The following ADCY2 variants were observed in gnomAD, a reference collection of about 807,000 sequenced individuals.
ADCY2 encodes the protein adenylate cyclase type 2.
A neutral mutation model predicts 125.2 loss-of-function variants in ADCY2; 31 were observed. The ratio of observed to expected loss-of-function variants is 0.25; its 90% CI spans 0.19 to 0.33. The LOEUF (loss-of-function observed/expected upper bound fraction) is 0.33, where lower values mean the gene tolerates loss of function less well. ADCY2 is among the 10% of genes least tolerant of loss of function. The pLI is 1.00. For synonymous variants in ADCY2, 512 were observed against 548.4 expected (o/e 0.93, Z 0.93); for missense variants, 904 against 1,418.2 (o/e 0.64, Z 5.82).
chr5:7,537,857 C>T (rs1734866120), intron 3 of ADCY2, among the ~76,000 whole-genome samples: 2 of 152,184 alleles, frequency 1.3e-5, no homozygotes, highest in African/African-American at 4.8e-5. Flanking sequence ...CTCACAGGGC[C>T]CTGATTGTGC....
chr5:7,698,683 C>A (rs1479214564), intron 7 of ADCY2, among the ~76,000 whole-genome samples: 1 of 152,128 alleles, frequency 6.6e-6, no homozygotes, highest in Admixed American at 6.5e-5. Context: ...TGATGGTTTC[C>A]AGTTTCATCC....
intron 1 of ADCY2, among the ~76,000 whole-genome samples, chr5:7,408,466 CA>C (rs1739587064): frequency 6.6e-6 from 1 of 151,952 alleles, no homozygotes; most frequent in African/African-American, 2.4e-5. Flanking sequence ...CTCCCGAGTT[CA>C]AGCGATTCTG....
chr5:7,819,235 G>C (rs780121339), intron 23 of ADCY2, among the ~76,000 whole-genome samples: 3 of 152,054 alleles, frequency 2.0e-5, no homozygotes, highest in Non-Finnish European at 2.9e-5. Flanking sequence ...ATCTCCTTTG[G>C]CAACACCCTC....
chr5:7,761,160 T>TTTC (rs1743194105), intron 16 of ADCY2, among the ~76,000 whole-genome samples: 1 of 135,250 alleles, frequency 7.4e-6, no homozygotes, highest in Admixed American at 7.4e-5. Flanking sequence ...TTTTTTTTTT[T>TTTC]TTTTTTTGAG....
intron 3 of ADCY2, among the ~76,000 whole-genome samples, chr5:7,562,956 A>T (rs4331864): frequency 0.3 from 45,515 of 151,944 alleles, 8,010 homozygotes; most frequent in Non-Finnish European, 0.4. Flanking sequence ...TCCTTTATTT[A>T]ATTTTTTTAA....
chr5:7,492,658 A>G (rs550668141), intron 2 of ADCY2, among the ~76,000 whole-genome samples: 5 of 151,792 alleles, frequency 3.3e-5, no homozygotes, highest in African/African-American at 1.2e-4. Flanking sequence ...GGTGCCTTTA[A>G]CAGAGATTTG....
chr5:7,721,182 G>A (rs1483991328), intron 12 of ADCY2, among the ~76,000 whole-genome samples: 22 of 152,168 alleles, frequency 1.4e-4, no homozygotes, highest in Non-Finnish European at 5.9e-5. Flanking sequence ...TCTGTTGGCT[G>A]CATAAATGTC....
At chr5:7,773,149 G>A in intron 18 of ADCY2, 48 bp downstream of exon 18, 3 of 1,580,774 alleles carry the variant, frequency 1.9e-6, no homozygotes, top group Non-Finnish European at 2.6e-6. Context: ...TTCCCAGCCT[G>A]TGGATAGCAT....
At chr5:7,669,392 T>C (rs555114761) in intron 4 of ADCY2, among the ~76,000 whole-genome samples, 12 of 152,224 alleles carry the variant, frequency 7.9e-5, no homozygotes, top group Middle Eastern at 3.4e-3. Context: ...AGACCATTCA[T>C]TGGGAGAACT....
intron 3 of ADCY2, among the ~76,000 whole-genome samples, chr5:7,594,575 A>G (rs938788842): frequency 3.3e-5 from 5 of 152,128 alleles, no homozygotes; most frequent in African/African-American, 4.8e-5. Flanking sequence ...TTCCTTGCAC[A>G]TTGCAGTCTT....
intron 3 of ADCY2, among the ~76,000 whole-genome samples, chr5:7,538,218 T>G (rs1216210021): frequency 6.6e-6 from 1 of 152,204 alleles, no homozygotes; most frequent in African/African-American, 2.4e-5. Flanking sequence ...TTTTCAAAGA[T>G]AGCATGATCC....
chr5:7,802,079 C>T lies in ADCY2; in HGVS notation c.2629-139C>T, dbSNP rs56184542. The T allele has an allele frequency of 0.017, 15,554 of 923,720 alleles. 190 individuals carry two copies. The highest frequency in any genetic ancestry group is 0.028 in the Middle Eastern group (80 of 2,870). The allele number at this position is 923,720 out of a possible 1,614,324, so 57.2% of individuals were successfully genotyped here. A position where few individuals can be genotyped will look rare whatever the true frequency, so the allele number is the denominator to read the frequency against. ...CAGCGGCAGCATCTGGATTGGGCCG[C>T]GGCTGGGGTGGGGCAAGTGGAGTAG... On this transcript the variant is annotated intron_variant, in intron 20 of 24. Coordinates refer to ENST00000338316, the MANE Select transcript of ADCY2 (RefSeq NM_020546.3). This position sits in a 1 kb window ranked among gnomAD's most constrained non-coding sequence, Gnocchi z 4.6.
intron 3 of ADCY2, among the ~76,000 whole-genome samples, chr5:7,595,297 T>C (rs1736972778): frequency 6.6e-6 from 1 of 152,246 alleles, no homozygotes; most frequent in Admixed American, 6.5e-5. Flanking sequence ...TGGCCATTGC[T>C]AATTTTGGAG....
At chr5:7,697,458 C>T (rs752518683) in intron 6 of ADCY2, among the ~76,000 whole-genome samples, 1 of 152,168 alleles carries the variant, frequency 6.6e-6, no homozygotes, top group Non-Finnish European at 1.5e-5. Context: ...ATGTAAAGCA[C>T]ATAACCTTAC....
intron 3 of ADCY2, among the ~76,000 whole-genome samples, chr5:7,554,530 C>A (rs1735442014): frequency 6.6e-6 from 1 of 152,068 alleles, no homozygotes; most frequent in Non-Finnish European, 1.5e-5. Flanking sequence ...TATTGTGGTT[C>A]TTTTAAAAAA....
chr5:7,617,119 A>G (rs1946468), intron 3 of ADCY2, among the ~76,000 whole-genome samples: 95,449 of 151,960 alleles, frequency 0.63, 30,580 homozygotes, highest in Non-Finnish European at 0.67. Context: ...TTTTTTTCCC[A>G]TTGATCTTTT....
At chr5:7,806,749 C>A (rs1744773190) in intron 22 of ADCY2, among the ~76,000 whole-genome samples, 1 of 152,198 alleles carries the variant, frequency 6.6e-6, no homozygotes. Context: ...TCAGTACAGT[C>A]ACCTGGGAGG....
At chr5:7,795,521 T>G (rs1010571456) in intron 20 of ADCY2, 4 of 152,228 alleles carry the variant, frequency 2.6e-5, no homozygotes, top group Non-Finnish European at 5.9e-5. Context: ...GCTCAGTGCC[T>G]CTGAATGCAG....
At chr5:7,586,155 G>A (rs756906194) in intron 3 of ADCY2, among the ~76,000 whole-genome samples, 21 of 152,212 alleles carry the variant, frequency 1.4e-4, no homozygotes, top group Middle Eastern at 3.4e-3. Flanking sequence ...ATGACTGGTA[G>A]GTAAGATTAT....
Sources: gnomAD v4.1 joint callset for allele counts (sites outside exome capture counted in the v4.1 genomes callset) on GRCh38, gnomAD v4.1.1 for gene constraint, Gnocchi (gnomAD v3.1) non-coding constraint, MANE v1.5 for transcripts, NCBI Gene and HGNC (gene_info 2026-07-23, HGNC 2026-07-21) for gene names.